SYNPO: variants seen among roughly 807,000 people sequenced by gnomAD.
SYNPO encodes synaptopodin.
In SYNPO, 19 loss-of-function variants were observed where a neutral mutation model predicts 49.5. That is an observed-to-expected ratio of 0.38 (90% CI 0.27 to 0.56). The LOEUF (loss-of-function observed/expected upper bound fraction) is 0.56. Ranked by LOEUF, SYNPO falls within the 20% of genes least tolerant of loss-of-function variation. SYNPO has a pLI of 0.68. For synonymous variants in SYNPO, 536 were observed against 548.0 expected, an observed-to-expected ratio of 0.98 and a Z score of 0.31; for missense variants, 1,131 against 1,248.3, an observed-to-expected ratio of 0.91 and a Z score of 1.42.
At chr5:150,623,241 C>A (rs1757237145) in intron 2 of SYNPO, among the ~76,000 whole-genome samples, 1 of 152,200 alleles carries the variant, frequency 6.6e-6, no homozygotes. Context: ...ACTTTGAAAT[C>A]TTTCACACAT....
intron 2 of SYNPO, chr5:150,650,835 G>C: frequency 7.8e-7 from 1 of 1,277,944 alleles, no homozygotes; most frequent in African/African-American, 1.5e-5. Flanking sequence ...CCTGTTGCTG[G>C]ATTCTCACCT....
At chr5:150,651,127 A>T in intron 2 of SYNPO, 1 of 1,068,384 alleles carries the variant, frequency 9.4e-7, no homozygotes, top group Middle Eastern at 4.3e-4. Flanking sequence ...GGAGAAGGAG[A>T]GCCCTGTAGG....
At chr5:150,628,108 A>G (rs992621871) in intron 2 of SYNPO, among the ~76,000 whole-genome samples, 4 of 151,350 alleles carry the variant, frequency 2.6e-5, no homozygotes, top group Admixed American at 2.6e-4. Context: ...TTGGGGCTCA[A>G]TTGCTACCCA....
At chr5:150,628,087 G>C (rs1757422744) in intron 2 of SYNPO, among the ~76,000 whole-genome samples, 1 of 150,162 alleles carries the variant, frequency 6.7e-6, no homozygotes, top group African/African-American at 2.5e-5. Flanking sequence ...TTTGTGAACT[G>C]TCCCTGGATA....
chr5:150,657,329 T>C lies in SYNPO; in HGVS notation c.*242T>C. The C allele has an allele frequency of 1.8e-6, 1 of 554,894 alleles. No homozygotes were observed. Among genetic ancestry groups the C allele is most frequent in the Non-Finnish European group, 3.2e-6 (1 of 314,012 alleles). 34.4% of individuals were successfully genotyped at this position (554,894 alleles called of 1,614,324 possible). A position where few individuals can be genotyped will look rare whatever the true frequency, so the allele number is the denominator to read the frequency against. On this transcript the variant is annotated 3_prime_UTR_variant, in exon 3 of 3. Transcript: ENST00000307662. ...TTGACCCTCAGCTTTCCCATCTGTT[T>C]AATGGTGGCTTTGGCCAAGGCAATC... is the stretch of plus-strand genomic sequence containing the variant.
At chr5:150,643,665 G>T (rs905081398) in intron 1 of SYNPO, among the ~76,000 whole-genome samples, 2 of 152,148 alleles carry the variant, frequency 1.3e-5, no homozygotes, top group Middle Eastern at 3.2e-3. Context: ...CTCCCAAGTA[G>T]CTGGGATTAC....
the SYNPO span, among the ~76,000 whole-genome samples, chr5:150,593,471 A>AT: frequency 2.1e-3 from 317 of 151,522 alleles, 1 homozygote; most frequent in Middle Eastern, 0.014. Flanking sequence ...ATTTCTTTTT[A>AT]TTTTTTTTGA....
At position 150,649,287 on chromosome 5, in the gene SYNPO, C is replaced by T; in HGVS notation, c.1012C>T (p.Pro338Ser). Residue 338 changes from proline to serine, a missense_variant, in exon 2 of 3, where the codon CCC becomes TCC. Transcript: ENST00000307662. ...APLASWVRSP[P>S]SYSVLYPSSD... ...TCTGGCTTCCTGGGTGAGGTCTCCT[C>T]CCTCATATTCTGTCCTGTATCCCAG... is the stretch of plus-strand genomic sequence containing the variant. The T allele has an allele frequency of 6.2e-7, 1 of 1,614,216 alleles. No homozygotes were observed. Among genetic ancestry groups the T allele is most frequent in the Non-Finnish European group, 8.5e-7 (1 of 1,180,026 alleles).
chr5:150,642,391 C>T (rs1349830498), intron 1 of SYNPO, among the ~76,000 whole-genome samples: 1 of 152,234 alleles, frequency 6.6e-6, no homozygotes, highest in African/African-American at 2.4e-5. Flanking sequence ...AGCACCCCAA[C>T]TTGGCCCTGC....
At chr5:150,608,955 A>C (rs1454997675) in intron 1 of SYNPO, among the ~76,000 whole-genome samples, 1 of 152,242 alleles carries the variant, frequency 6.6e-6, no homozygotes, top group African/African-American at 2.4e-5. Flanking sequence ...GGCTCACAGA[A>C]GTAAAGTAAC....
chr5:150,594,264 A>T, the SYNPO span, among the ~76,000 whole-genome samples: 1 of 152,246 alleles, frequency 6.6e-6, no homozygotes, highest in Non-Finnish European at 1.5e-5. Flanking sequence ...GCCAGGGGGA[A>T]GATCTTTAGG....
chr5:150,658,569 G>A lies in SYNPO; in HGVS notation c.*1482G>A, dbSNP rs552529603. The A allele has an allele frequency of 1.3e-5, 2 of 152,554 alleles. No homozygotes were observed. The highest frequency in any genetic ancestry group is 3.8e-4 in the East Asian group (2 of 5,322). 9.5% of individuals were successfully genotyped at this position (152,554 alleles called of 1,614,324 possible). On this transcript the variant is annotated 3_prime_UTR_variant, in exon 3 of 3. Coordinates refer to ENST00000307662, the MANE Select transcript of SYNPO (RefSeq NM_007286.6). ...GTAGTTTCCAGAGTTGGCTGGTAGA[G>A]CCTTCTAGAGGTTCAGAATATTAGC...
chr5:150,647,099 C>T lies in SYNPO; in HGVS notation c.-332-845C>T, dbSNP rs189092216. The stretch of plus-strand genomic sequence containing the variant: ...CTCTACTAAAAATACAAAAATTAGC[C>T]GGGCATGGTGGCACATGCCTGTAGT... On this transcript the variant is annotated intron_variant, in intron 1 of 2. Coordinates refer to ENST00000307662, the MANE Select transcript of SYNPO (RefSeq NM_007286.6). Among the ~76,000 whole-genome samples, 416 of 151,786 alleles carry T rather than the reference C, an allele frequency of 2.7e-3. 1 individual carries two copies. Among genetic ancestry groups the T allele is most frequent in the Non-Finnish European group, 3.8e-3 (261 of 67,890 alleles).
chr5:150,628,582 G>A (rs942990485), intron 2 of SYNPO, among the ~76,000 whole-genome samples: 2 of 152,194 alleles, frequency 1.3e-5, no homozygotes, highest in African/African-American at 4.8e-5. Flanking sequence ...AAAAAAATGA[G>A]CTACCATTTA....
In SYNPO at chr5:150,623,302, G is replaced by A. The variant is rs145433647; in HGVS notation, c.400+4535G>A. Among the ~76,000 whole-genome samples the A allele has an allele frequency of 3.9e-5, 6 of 152,142 alleles. No individual in the cohort carries two copies. In the East Asian group the frequency reaches 5.8e-4, roughly 15 times the overall value. ...TGCACACCCACTGTCACACACCTACGTACAGACCGAATCACTTTCTCTCCT... is the reference window on the plus strand; with the variant it reads ...TGCACACCCACTGTCACACACCTACATACAGACCGAATCACTTTCTCTCCT... On this transcript the variant is annotated intron_variant, in intron 2 of 2. Transcript: ENST00000394243.
chr5:150,612,521 A>G (rs1329749172), intron 1 of SYNPO, among the ~76,000 whole-genome samples: 2 of 152,150 alleles, frequency 1.3e-5, no homozygotes, highest in African/African-American at 2.4e-5. Flanking sequence ...AGCCTTATGG[A>G]TAAGAGTGAC....
At chr5:150,607,786 A>AG (rs1469154709) in intron 1 of SYNPO, among the ~76,000 whole-genome samples, 1 of 152,116 alleles carries the variant, frequency 6.6e-6, no homozygotes. Flanking sequence ...GTTAAAAAAA[A>AG]AAAGGTGGAA....
intron 1 of SYNPO, among the ~76,000 whole-genome samples, chr5:150,645,488 G>C (rs1344549414): frequency 6.6e-6 from 1 of 152,230 alleles, no homozygotes; most frequent in East Asian, 1.9e-4. Context: ...AGCATCAACT[G>C]TGTGCCAGCT....
At chr5:150,645,040 T>C (rs551731107) in intron 1 of SYNPO, among the ~76,000 whole-genome samples, 2 of 152,316 alleles carry the variant, frequency 1.3e-5, no homozygotes, top group South Asian at 4.1e-4. Context: ...GTGACGCTGC[T>C]GGTCACAGCT....
Sources: allele counts gnomAD v4.1 joint callset (sites outside exome capture counted in the v4.1 genomes callset), GRCh38; gene constraint gnomAD v4.1.1; transcripts MANE v1.5; gene names NCBI Gene and HGNC (gene_info 2026-07-23, HGNC 2026-07-21).